PPARGC1A: variants seen among roughly 807,000 people sequenced by gnomAD.
PPARGC1A encodes the protein PPARG coactivator 1 alpha.
A neutral mutation model predicts 88.7 loss-of-function variants in PPARGC1A; 25 were observed. That is an observed-to-expected ratio of 0.28 (90% CI 0.21 to 0.39). The LOEUF (loss-of-function observed/expected upper bound fraction) is 0.39. PPARGC1A is among the 10% of genes least tolerant of loss of function. The probability of loss-of-function intolerance (pLI) is 1.00; values close to 1 mark genes in which losing one functional copy is unlikely to be tolerated. For missense variants in PPARGC1A, 880 were observed against 968.7 expected, an observed-to-expected ratio of 0.91 and a Z score of 1.22; for synonymous variants, 363 against 355.6, an observed-to-expected ratio of 1.02 and a Z score of -0.24.
chr4:24,251,870 C>T, the PPARGC1A span, among the ~76,000 whole-genome samples: 1 of 152,156 alleles, frequency 6.6e-6, no homozygotes, highest in Non-Finnish European at 1.5e-5. Context: ...AGCACCCTCT[C>T]GGCTCCCTTG....
the PPARGC1A span, among the ~76,000 whole-genome samples, chr4:24,103,609 A>G: frequency 6.6e-6 from 1 of 151,704 alleles, no homozygotes; most frequent in African/African-American, 2.4e-5. Flanking sequence ...AAAAAAAAAA[A>G]AAGCCTCGTC....
In PPARGC1A at chr4:23,814,514, C is replaced by T; in HGVS notation, c.969G>A (p.Val323=). The T allele has an allele frequency of 6.2e-7, 1 of 1,612,984 alleles. No individual in the cohort carries two copies. Among genetic ancestry groups the T allele is most frequent in the Non-Finnish European group, 8.5e-7 (1 of 1,179,778 alleles). The change falls in exon 8 of 13, where the codon GTG becomes GTA. Residue 323 remains valine, a synonymous_variant. Coordinates refer to ENST00000264867, the MANE Select transcript of PPARGC1A (RefSeq NM_013261.5). ...TGGGCTTCTTTGATGGTGGTGGCACCACAGTCTTGCAAGAGGACTTCAGCT... is the reference window on the plus strand; with the variant it reads ...TGGGCTTCTTTGATGGTGGTGGCACTACAGTCTTGCAAGAGGACTTCAGCT... ...SPKLKSSCKT[V]VPPPSKKPRY...
the PPARGC1A span, among the ~76,000 whole-genome samples, chr4:24,201,163 A>G: frequency 2.0e-5 from 3 of 152,234 alleles, no homozygotes; most frequent in African/African-American, 7.2e-5. Context: ...ACCATAATGC[A>G]CCTATTTTTA....
At chr4:24,311,773 T>C in the PPARGC1A span, among the ~76,000 whole-genome samples, 1 of 151,826 alleles carries the variant, frequency 6.6e-6, no homozygotes, top group Non-Finnish European at 1.5e-5. Flanking sequence ...AGAAAAAGAC[T>C]GAAAAAATTT....
the PPARGC1A span, among the ~76,000 whole-genome samples, chr4:23,916,975 G>A: frequency 6.6e-6 from 1 of 152,174 alleles, no homozygotes. Context: ...AGAACTAGGG[G>A]AAGGTGTTGT....
chr4:24,040,729 T>C, the PPARGC1A span, among the ~76,000 whole-genome samples: 2 of 152,210 alleles, frequency 1.3e-5, no homozygotes, highest in African/African-American at 4.8e-5. Context: ...AGTGCAACCA[T>C]AGTTTTGTTT....
the PPARGC1A span, among the ~76,000 whole-genome samples, chr4:23,925,843 AG>A: frequency 6.6e-6 from 1 of 152,184 alleles, no homozygotes; most frequent in Non-Finnish European, 1.5e-5. Flanking sequence ...AGAAAGAGAG[AG>A]AGAGAGAAAA....
Position 23,814,348 on chromosome 4 carries a change from G to A in PPARGC1A, c.1135C>T (p.Arg379Trp), listed in dbSNP as rs375868793. ...CAATAGTCATGGTCACCAAACAGCC[G>A]CAGACTGGGCCGCTTGGTCTTCCTT... ...EERKTKRPSL[R>W]LFGDHDYCQS... Residue 379 changes from arginine (R) to tryptophan (W), a missense_variant, in exon 8 of 13, where the codon CGG (arginine) becomes TGG (tryptophan). By Grantham distance (101) the Arg-to-Trp change is moderately radical. Transcript: ENST00000264867. 1.8e-5 allele frequency: 29 copies of A among 1,613,856 alleles called. No individual in the cohort carries two copies. The highest frequency in any genetic ancestry group is 6.7e-5 in the East Asian group (3 of 44,872).
chr4:24,362,624 G>A, the PPARGC1A span, among the ~76,000 whole-genome samples: 47 of 152,162 alleles, frequency 3.1e-4, no homozygotes, highest in East Asian at 9.7e-4. Flanking sequence ...TTCTCTCCCC[G>A]CTTTCAGAAA....
At chr4:24,303,763 T>A in the PPARGC1A span, among the ~76,000 whole-genome samples, 1 of 152,206 alleles carries the variant, frequency 6.6e-6, no homozygotes, top group Non-Finnish European at 1.5e-5. Context: ...TCTGGTCTAA[T>A]AAACAGTGTT....
intron 7 of PPARGC1A, among the ~76,000 whole-genome samples, chr4:23,820,980 A>T (rs1205629246): frequency 6.6e-6 from 1 of 152,056 alleles, no homozygotes; most frequent in African/African-American, 2.4e-5. Flanking sequence ...ACCAATATAA[A>T]TGCTATTTCT....
At chr4:24,370,423 GGA>G in the PPARGC1A span, among the ~76,000 whole-genome samples, 1 of 152,112 alleles carries the variant, frequency 6.6e-6, no homozygotes, top group Non-Finnish European at 1.5e-5. Context: ...TGACACATAA[GGA>G]GACACATACA....
chr4:23,982,847 G>A, the PPARGC1A span, among the ~76,000 whole-genome samples: 2 of 101,658 alleles, frequency 2.0e-5, no homozygotes, highest in Non-Finnish European at 4.1e-5. Flanking sequence ...ATATGTAACA[G>A]TACTTAATAT....
the PPARGC1A span, among the ~76,000 whole-genome samples, chr4:24,324,719 G>C: frequency 6.6e-6 from 1 of 152,050 alleles, no homozygotes; most frequent in African/African-American, 2.4e-5. Context: ...ATGGTCTGAG[G>C]TTCCTGACGT....
At chr4:24,131,997 C>T in the PPARGC1A span, among the ~76,000 whole-genome samples, 62 of 152,296 alleles carry the variant, frequency 4.1e-4, 3 homozygotes, top group East Asian at 0.011. Flanking sequence ...AAAACATGGC[C>T]TAGTGCAGGC....
chr4:23,971,986 A>T, the PPARGC1A span, among the ~76,000 whole-genome samples: 11 of 152,142 alleles, frequency 7.2e-5, no homozygotes, highest in Non-Finnish European at 2.9e-5. Flanking sequence ...TACATAATAC[A>T]TAATCTACCG....
the PPARGC1A span, among the ~76,000 whole-genome samples, chr4:24,333,937 CAACAAAAA>C: frequency 9.6e-5 from 1 of 10,370 alleles, no homozygotes; most frequent in Non-Finnish European, 3.3e-4. Context: ...CCAACAACAA[CAACAAAAA>C]AAAAAAAAAA....
chr4:24,223,927 TAAGA>T, the PPARGC1A span, among the ~76,000 whole-genome samples: 4 of 152,230 alleles, frequency 2.6e-5, no homozygotes, highest in African/African-American at 4.8e-5. Context: ...TTCCCTTTTT[TAAGA>T]AAGAAAGAAA....
chr4:24,309,560 C>A, the PPARGC1A span, among the ~76,000 whole-genome samples: 1 of 151,936 alleles, frequency 6.6e-6, no homozygotes, highest in Non-Finnish European at 1.5e-5. Context: ...AGGTTTCTAC[C>A]CAGAAAGTCC....
Sources: allele counts gnomAD v4.1 joint callset (sites outside exome capture counted in the v4.1 genomes callset), GRCh38; gene constraint gnomAD v4.1.1; transcripts MANE v1.5; gene names NCBI Gene and HGNC (gene_info 2026-07-23, HGNC 2026-07-21).